The following GRIN1 variants were observed in gnomAD, a reference collection of about 807,000 sequenced individuals.
GRIN1 encodes glutamate ionotropic receptor NMDA type subunit 1.
In GRIN1, 38 loss-of-function variants were observed where a neutral mutation model predicts 103.0. The observed-to-expected ratio is 0.37, with a 90% CI of 0.28 to 0.48. The LOEUF (loss-of-function observed/expected upper bound fraction) is 0.48. GRIN1 is among the 20% of genes least tolerant of loss of function. The pLI is 0.98. For synonymous variants in GRIN1, 544 were observed against 532.7 expected, an observed-to-expected ratio of 1.02 and a Z score of -0.29; for missense variants, 577 against 1,288.9, an observed-to-expected ratio of 0.45 and a Z score of 8.46.
chr9:137,157,104 A>G (rs1293745349), intron 6 of GRIN1, 67 bp downstream of exon 6: 1 of 349,560 alleles, frequency 2.9e-6, no homozygotes, highest in South Asian at 2.4e-5. Context: ...CACTCCAGAG[A>G]TGGGCGGGGC....
At position 137,163,814 on chromosome 9, in the gene GRIN1, C is replaced by A. The variant is rs146086141; in HGVS notation, c.2499C>A (p.Ile833=). Reference sequence around the variant, plus strand: ...TGGCCGGGATCTTCCTGATTTTCATCGAGATTGCCTACAAGCGGCACAAGG... The same window carrying A: ...TGGCCGGGATCTTCCTGATTTTCATAGAGATTGCCTACAAGCGGCACAAGG... The part of the protein sequence containing the change: ...GIVAGIFLIF[I]EIAYKRHKDA... Residue 833 remains isoleucine, a synonymous_variant, in exon 18 of 20, where the codon ATC becomes ATA. Transcript: ENST00000371561. The A allele has an allele frequency of 2.5e-6, 4 of 1,613,372 alleles. No individual in the cohort carries two copies. Among genetic ancestry groups the A allele is most frequent in the Non-Finnish European group, 3.4e-6 (4 of 1,179,958 alleles).
intron 13 of GRIN1, 37 bp downstream of exon 13, chr9:137,162,553 C>T: frequency 6.2e-7 from 1 of 1,610,716 alleles, no homozygotes; most frequent in Non-Finnish European, 8.5e-7. Flanking sequence ...CCCGCCTCGG[C>T]CCTCTAGGGT....
chr9:137,160,954 G>T, intron 8 of GRIN1, 102 bp from the exon 9 acceptor site: 2 of 1,453,548 alleles, frequency 1.4e-6, no homozygotes, highest in South Asian at 1.2e-5. Flanking sequence ...GGTGCGTCGG[G>T]GATTAAGAGG....
intron 3 of GRIN1, chr9:137,148,140 A>G: frequency 2.7e-6 from 4 of 1,508,838 alleles, no homozygotes; most frequent in Non-Finnish European, 3.6e-6. Flanking sequence ...CTCTGTGCAC[A>G]TTATTCATCA....
chr9:137,148,253 G>GCTCCCT, intron 3 of GRIN1: 2 of 1,433,900 alleles, frequency 1.4e-6, no homozygotes, highest in Non-Finnish European at 9.5e-7. Context: ...CACGGCTAGG[G>GCTCCCT]AGCCCTGGCC....
At chr9:137,148,231 G>A (rs1308145009) in intron 3 of GRIN1, 7 of 1,526,472 alleles carry the variant, frequency 4.6e-6, no homozygotes, top group South Asian at 2.4e-5. Context: ...ATGCATGGAC[G>A]TGCACGCCAC....
intron 19 of GRIN1, 25 bp downstream of exon 19, chr9:137,165,321 C>T (rs1162459551): frequency 4.3e-6 from 6 of 1,387,984 alleles, no homozygotes; most frequent in African/African-American, 1.4e-5. Context: ...ACCCCAGTCC[C>T]GCGTCCGACT....
chr9:137,168,726 G>T lies in GRIN1; in HGVS notation c.*1199G>T. On this transcript the variant is annotated 3_prime_UTR_variant, in exon 20 of 20. Transcript: ENST00000371561. Reference sequence around the variant, plus strand: ...GCCCAACCCCCACCTCCCGGTGTATGCAGTGGTGATGCCTAAAGGAATGTC... The same window carrying T: ...GCCCAACCCCCACCTCCCGGTGTATTCAGTGGTGATGCCTAAAGGAATGTC... 2 of 665,604 alleles carry T rather than the reference G, an allele frequency of 3.0e-6. No homozygotes were observed. Among genetic ancestry groups the T allele is most frequent in the Non-Finnish European group, 4.1e-6 (2 of 481,934 alleles). The allele number at this position is 665,604 out of a possible 1,614,324, so 41.2% of individuals were successfully genotyped here.
intron 2 of GRIN1, among the ~76,000 whole-genome samples, chr9:137,144,605 A>G (rs1832382378): frequency 6.8e-6 from 1 of 147,112 alleles, no homozygotes; most frequent in South Asian, 2.2e-4. Flanking sequence ...CAGTGAGCCG[A>G]GATTGCACTC....
intron 3 of GRIN1, among the ~76,000 whole-genome samples, chr9:137,147,880 C>T (rs190072791): frequency 1.8e-4 from 28 of 152,278 alleles, no homozygotes; most frequent in Admixed American, 1.2e-3. Flanking sequence ...ACGGTGGACG[C>T]GGACAGGGCC....
chr9:137,141,824 G>C (rs1218651474), intron 1 of GRIN1, among the ~76,000 whole-genome samples, 189 bp from the exon 2 acceptor site: 1 of 152,136 alleles, frequency 6.6e-6, no homozygotes, highest in Non-Finnish European at 1.5e-5. Context: ...GGAGGTCCGG[G>C]TGGGGTCTCC....
At chr9:137,164,281 A>C (rs990069872) in intron 18 of GRIN1, 3 of 349,746 alleles carry the variant, frequency 8.6e-6, no homozygotes, top group Non-Finnish European at 1.7e-5. Context: ...CCGCCGACCC[A>C]AGCCCCTTGA....
chr9:137,166,761 G>A (rs763256884), intron 19 of GRIN1, among the ~76,000 whole-genome samples: 3 of 152,258 alleles, frequency 2.0e-5, no homozygotes, highest in Non-Finnish European at 2.9e-5. Context: ...CCTCTGCTGC[G>A]GAAAGCGGGC....
At chr9:137,158,760 C>T in intron 8 of GRIN1, 56 bp downstream of exon 8, 4 of 1,296,692 alleles carry the variant, frequency 3.1e-6, no homozygotes, top group Non-Finnish European at 4.5e-6. Flanking sequence ...CCATCCACCC[C>T]CTCTGGCCTG....
At position 137,167,850 on chromosome 9, in the gene GRIN1, G is replaced by A. The variant is rs1420997175; in HGVS notation, c.*323G>A. The A allele has an allele frequency of 1.2e-6, 2 of 1,611,358 alleles. No homozygotes were observed. Among genetic ancestry groups the A allele is most frequent in the Non-Finnish European group, 1.7e-6 (2 of 1,179,164 alleles). The stretch of plus-strand genomic sequence containing the variant: ...GTCAGCACCGTGGTGTGAGGCCCCC[G>A]GAGGCGCCCACCTGCCCAGTTAGCC... On this transcript the variant is annotated 3_prime_UTR_variant, in exon 20 of 20. Coordinates refer to ENST00000371561, the MANE Select transcript of GRIN1 (RefSeq NM_007327.4).
Position 137,139,572 on chromosome 9 carries a change from T to C in GRIN1, c.86T>C (p.Ile29Thr). The C allele has an allele frequency of 6.8e-6, 11 of 1,613,236 alleles. No individual in the cohort carries two copies. Among genetic ancestry groups the C allele is most frequent in the Non-Finnish European group, 9.3e-6 (11 of 1,179,910 alleles). The change falls in exon 1 of 20, where the codon ATT (isoleucine) becomes ACT (threonine). Residue 29 changes from isoleucine (I) to threonine (T), a missense_variant. By Grantham distance (89) the Ile-to-Thr change is moderately conservative (BLOSUM62 -1). Around this residue, in one of 9 missense-constraint regions of GRIN1, gnomAD observed 308 missense variants for 553.6 expected, o/e 0.56. Coordinates refer to ENST00000371561, the MANE Select transcript of GRIN1 (RefSeq NM_007327.4). The surrounding 1 kb of genome is among the most constrained non-coding windows in gnomAD (Gnocchi z 7.7). ...RAACDPKIVN[I>T]GAVLSTRKHE... is the part of the protein sequence containing the mutation. ...GCGTGCGACCCCAAGATCGTCAACA[T>C]TGGCGCGGTGCTGAGCACGCGGAAG...
At chr9:137,166,731 A>C (rs1833897270) in intron 19 of GRIN1, among the ~76,000 whole-genome samples, 1 of 152,254 alleles carries the variant, frequency 6.6e-6, no homozygotes. Context: ...GAGCAGGTGG[A>C]AGCACCATTC....
intron 4 of GRIN1, 124 bp from the exon 5 acceptor site, chr9:137,156,545 G>C (rs900070539): frequency 7.2e-7 from 1 of 1,391,262 alleles, no homozygotes; most frequent in Non-Finnish European, 9.8e-7. Context: ...AGGTCTGCAG[G>C]CTTCGCTCTA....
chr9:137,149,649 A>G (rs1262728097), intron 4 of GRIN1, among the ~76,000 whole-genome samples: 1 of 152,244 alleles, frequency 6.6e-6, no homozygotes, highest in Non-Finnish European at 1.5e-5. Context: ...CTTGGGGTGG[A>G]GCCCACTGTA....
Sources: allele counts gnomAD v4.1 joint callset (sites outside exome capture counted in the v4.1 genomes callset), GRCh38; gene constraint gnomAD v4.1.1; regional missense constraint gnomAD v4.1.1; non-coding constraint Gnocchi (gnomAD v3.1); transcripts MANE v1.5; gene names NCBI Gene and HGNC (gene_info 2026-07-23, HGNC 2026-07-21).